The following NRBP1 variants were observed in gnomAD, a reference collection of about 807,000 sequenced individuals.
NRBP1 encodes nuclear receptor-binding protein.
NRBP1 carries 10 observed loss-of-function variants against 76.0 expected under a neutral mutation model. The observed-to-expected ratio is 0.13, with a 90% CI of 0.08 to 0.22. The LOEUF is 0.22. Ranked by LOEUF, NRBP1 falls within the 10% of genes least tolerant of loss-of-function variation. NRBP1 has a pLI of 1.00. For synonymous variants in NRBP1, 235 were observed against 240.2 expected (o/e 0.98, Z 0.20); for missense variants, 344 against 646.0 (o/e 0.53, Z 5.07).
intron 10 of NRBP1, among the ~76,000 whole-genome samples, chr2:27,439,552 A>AT (rs1664446589): frequency 6.6e-6 from 1 of 152,128 alleles, no homozygotes; most frequent in South Asian, 2.1e-4. Context: ...CAGAAAAATA[A>AT]TTAAAACCAG....
At chr2:27,437,674 A>G (rs903412318) in intron 10 of NRBP1, among the ~76,000 whole-genome samples, 1 of 151,742 alleles carries the variant, frequency 6.6e-6, no homozygotes, top group African/African-American at 2.4e-5. Context: ...GATCGAGACC[A>G]TCCTGGCTAA....
In NRBP1 at chr2:27,440,835, G is replaced by T. The variant is rs1270526877; in HGVS notation, c.1224G>T (p.Gly408=). 6.2e-7 allele frequency: 1 copy of T among 1,613,850 alleles called. No homozygotes were observed. Among genetic ancestry groups the T allele is most frequent in the East Asian group, 2.2e-5 (1 of 44,882 alleles). ...RNGIYPLTAF[G]LPRPQQPQQE... ...GGATCTATCCTCTGACAGCCTTTGGGCTGCCTCGGCCCCAGCAGCCACAGC... is the reference window on the plus strand; with the variant it reads ...GGATCTATCCTCTGACAGCCTTTGGTCTGCCTCGGCCCCAGCAGCCACAGC... The change falls in exon 14 of 18, where the codon GGG becomes GGT. Residue 408 remains glycine, a synonymous_variant. Coordinates refer to ENST00000379852, the MANE Select transcript of NRBP1 (RefSeq NM_013392.4).
intron 10 of NRBP1, among the ~76,000 whole-genome samples, chr2:27,438,882 C>T (rs774945845): frequency 1.3e-5 from 2 of 152,046 alleles, no homozygotes; most frequent in Non-Finnish European, 2.9e-5. Flanking sequence ...TTGCTTGAGC[C>T]CAGGAGGTTG....
chr2:27,433,551 T>A, intron 2 of NRBP1, 68 bp downstream of exon 2: 1 of 1,604,166 alleles, frequency 6.2e-7, no homozygotes, highest in South Asian at 1.1e-5. Flanking sequence ...AAGAGCAAAG[T>A]CTTAAAAGAG....
chr2:27,436,620 A>G, intron 7 of NRBP1, 133 bp from the exon 8 acceptor site: 1 of 705,346 alleles, frequency 1.4e-6, no homozygotes, highest in East Asian at 2.6e-5. Context: ...CAGGAAAGGG[A>G]ATATGTTTGT....
Position 27,433,272 on chromosome 2 carries a change from G to C in NRBP1, c.-2G>C. The C allele has an allele frequency of 6.2e-7, 1 of 1,613,158 alleles. No homozygotes were observed. The highest frequency in any genetic ancestry group is 8.5e-7 in the Non-Finnish European group (1 of 1,179,594). The stretch of plus-strand genomic sequence containing the variant: ...AGTGCAGGCCTGAGTGTTCCTTCCA[G>C]CATGTCGGAGGGGGAGTCCCAGACA... On this transcript the variant is annotated 5_prime_UTR_variant, in exon 2 of 18. Transcript: ENST00000379852.
Position 27,433,395 on chromosome 2 carries a change from C to T in NRBP1, c.122C>T (p.Ala41Val). 6.2e-7 allele frequency: 1 copy of T among 1,614,242 alleles called. No individual in the cohort carries two copies. The highest frequency in any genetic ancestry group is 8.5e-7 in the Non-Finnish European group (1 of 1,180,040). Residue 41 changes from alanine to valine, a missense_variant, in exon 2 of 18, where the codon GCT (alanine) becomes GTT (valine). Physicochemically the swap from Ala to Val is moderately conservative, Grantham distance 64 (BLOSUM62 0). Around this residue, in one of 3 missense-constraint regions of NRBP1, gnomAD observed 53 missense variants for 48.4 expected, o/e 1.09. Transcript: ENST00000379852. ...CCTGTGACCTCCACAACCTCAGCTG[C>T]TTCCCCAGAGGAAGAAGAAGAAAGT... ...SPPVTSTTSA[A>V]SPEEEEESED...
At chr2:27,440,121 T>A (rs1664476184) in intron 11 of NRBP1, among the ~76,000 whole-genome samples, 1 of 150,428 alleles carries the variant, frequency 6.6e-6, no homozygotes, top group Non-Finnish European at 1.5e-5. Flanking sequence ...AAGCGATTCT[T>A]GTGCCTTAGC....
upstream of NRBP1, chr2:27,428,450 G>A (rs540300362): frequency 5.1e-6 from 2 of 388,974 alleles, no homozygotes; most frequent in East Asian, 7.3e-5. Context: ...CGAAAACATC[G>A]ACCCCTCCGA....
At chr2:27,430,478 T>TTTTTTTTTTTTTTTTTTTTTTTTC (rs1553317017) in intron 1 of NRBP1, among the ~76,000 whole-genome samples, 2 of 137,786 alleles carry the variant, frequency 1.5e-5, no homozygotes, top group Non-Finnish European at 3.1e-5. Flanking sequence ...TCTTTTTTTT[T>TTTTTTTTTTTTTTTTTTTTTTTTC]TTTTTTTTGA....
chr2:27,436,690 C>T (rs776753224), intron 7 of NRBP1, 63 bp from the exon 8 acceptor site: 1 of 1,474,776 alleles, frequency 6.8e-7, no homozygotes, highest in Admixed American at 1.7e-5. Context: ...TGGGGCCTCT[C>T]TCTGGAGTGA....
At position 27,442,080 on chromosome 2, in the gene NRBP1, C is replaced by A; in HGVS notation, c.*268C>A. On this transcript the variant is annotated 3_prime_UTR_variant, in exon 18 of 18. Transcript: ENST00000379852. ...TTCTAGTTGGGGGCTAGTCGCTGAT[C>A]TGCCGGCTCCCGCCCAGCCTGTGTG... 1.9e-6 allele frequency: 1 copy of A among 534,722 alleles called. No individual in the cohort carries two copies. Among genetic ancestry groups the A allele is most frequent in the South Asian group, 2.8e-5 (1 of 35,904 alleles). 33.1% of individuals were successfully genotyped at this position (534,722 alleles called of 1,614,324 possible). A position where few individuals can be genotyped will look rare whatever the true frequency, so the allele number is the denominator to read the frequency against.
At chr2:27,434,787 T>A (rs771437837) in intron 6 of NRBP1, 25 bp downstream of exon 6, 1 of 1,611,344 alleles carries the variant, frequency 6.2e-7, no homozygotes, top group Admixed American at 1.7e-5. Context: ...GTTAGTTTCT[T>A]ACCCATATTT....
At chr2:27,431,184 C>T (rs2148444653) in intron 1 of NRBP1, among the ~76,000 whole-genome samples, 1 of 152,266 alleles carries the variant, frequency 6.6e-6, no homozygotes, top group South Asian at 2.1e-4. Context: ...CCCGTAGTCC[C>T]AGCTACTCGG....
At chr2:27,428,810 C>A (rs1209063592) in intron 1 of NRBP1, 79 bp downstream of exon 1, 2 of 397,820 alleles carry the variant, frequency 5.0e-6, no homozygotes, top group Non-Finnish European at 8.9e-6. Context: ...AGGCCCGGGA[C>A]GGTGGGACCC....
chr2:27,440,228 T>C, intron 11 of NRBP1, 175 bp from the exon 12 acceptor site: 2 of 594,136 alleles, frequency 3.4e-6, no homozygotes, highest in Non-Finnish European at 6.0e-6. Flanking sequence ...GCCAGGCTGG[T>C]CTTGAACTGG....
intron 6 of NRBP1, 107 bp from the exon 7 acceptor site, chr2:27,435,026 T>C: frequency 1.4e-6 from 1 of 703,884 alleles, no homozygotes. Context: ...GTGGGGATTA[T>C]CTTTATGGTG....
chr2:27,440,731 T>G, intron 13 of NRBP1, 29 bp downstream of exon 13: 1 of 1,614,230 alleles, frequency 6.2e-7, no homozygotes, highest in South Asian at 1.1e-5. Context: ...GCAGGCTTTC[T>G]TGAGGAAGCA....
chr2:27,437,053 C>T lies in NRBP1; in HGVS notation c.752C>T (p.Thr251Ile), dbSNP rs1664334994. Residue 251 changes from threonine (T) to isoleucine (I), a missense_variant, in exon 9 of 18, where the codon ACT becomes ATT. Coordinates refer to ENST00000379852, the MANE Select transcript of NRBP1 (RefSeq NM_013392.4). ...HFFAPEYGEV[T>I]NVTTAVDIYS... ...CCTTCTCTGTTTTCCCTAGAAGTCA[C>T]TAATGTGACAACAGCAGTGGACATC... The T allele has an allele frequency of 3.7e-6, 6 of 1,613,306 alleles. No homozygotes were observed. Among genetic ancestry groups the T allele is most frequent in the Non-Finnish European group, 5.1e-6 (6 of 1,179,646 alleles).
Sources: gnomAD v4.1 joint callset for allele counts (sites outside exome capture counted in the v4.1 genomes callset) on GRCh38, gnomAD v4.1.1 for gene constraint, gnomAD v4.1.1 regional missense constraint, MANE v1.5 for transcripts, NCBI Gene and HGNC (gene_info 2026-07-23, HGNC 2026-07-21) for gene names.